SGCD: variants seen among roughly 807,000 people sequenced by gnomAD.
The protein encoded by SGCD is sarcoglycan delta.
SGCD carries 18 observed loss-of-function variants against 36.6 expected under a neutral mutation model. The observed-to-expected ratio is 0.49, with a 90% CI of 0.34 to 0.73. The LOEUF (loss-of-function observed/expected upper bound fraction) is 0.73, where lower values mean the gene tolerates loss of function less well. Among genes scored for constraint, SGCD ranks in the 30% least tolerant of loss-of-function variants. The pLI is 0.01. For synonymous variants in SGCD, 133 were observed against 130.6 expected (o/e 1.02, Z -0.12); for missense variants, 387 against 346.7 (o/e 1.12, Z -0.92).
intron 6 of SGCD, among the ~76,000 whole-genome samples, chr5:156,601,495 G>A (rs1484476184): frequency 6.6e-6 from 1 of 152,134 alleles, no homozygotes; most frequent in Non-Finnish European, 1.5e-5. Context: ...CGGTGTATGT[G>A]TCTACTTTTA....
At chr5:156,148,489 C>T (rs1762759010) in intron 3 of SGCD, among the ~76,000 whole-genome samples, 1 of 152,152 alleles carries the variant, frequency 6.6e-6, no homozygotes, top group Admixed American at 6.5e-5. Context: ...TCAAAGGTTT[C>T]TATTTGAAGC....
intron 3 of SGCD, among the ~76,000 whole-genome samples, chr5:156,254,185 T>C (rs1765653582): frequency 6.6e-6 from 1 of 152,214 alleles, no homozygotes; most frequent in Non-Finnish European, 1.5e-5. Context: ...TTAAAGGAAA[T>C]GCTTCAAAGA....
At chr5:155,742,496 A>G in the SGCD span, among the ~76,000 whole-genome samples, 3 of 152,202 alleles carry the variant, frequency 2.0e-5, no homozygotes, top group Non-Finnish European at 4.4e-5. Context: ...CTTATACTGG[A>G]TGATAGAGAC....
the SGCD span, among the ~76,000 whole-genome samples, chr5:155,793,161 C>A: frequency 1.6e-4 from 25 of 152,108 alleles, no homozygotes; most frequent in Non-Finnish European, 3.1e-4. Context: ...CAACAGAAAA[C>A]AAAATACTGC....
chr5:156,647,890 G>C (rs1581327402), intron 7 of SGCD, among the ~76,000 whole-genome samples: 2 of 152,204 alleles, frequency 1.3e-5, no homozygotes, highest in East Asian at 3.9e-4. Flanking sequence ...AGAAGATGAA[G>C]TCTAAATACA....
chr5:156,456,618 T>A (rs1330684023), intron 3 of SGCD, among the ~76,000 whole-genome samples: 1 of 152,150 alleles, frequency 6.6e-6, no homozygotes, highest in East Asian at 1.9e-4. Context: ...AATTGAGGAA[T>A]GAATTGTTAA....
At chr5:156,436,329 A>G (rs537010968) in intron 3 of SGCD, among the ~76,000 whole-genome samples, 11 of 152,344 alleles carry the variant, frequency 7.2e-5, no homozygotes, top group Admixed American at 1.3e-4. Flanking sequence ...GCCCACAGAA[A>G]GTGCTCAAGA....
chr5:155,741,687 CTTTT>C, the SGCD span, among the ~76,000 whole-genome samples: 3 of 132,284 alleles, frequency 2.3e-5, no homozygotes, highest in South Asian at 2.4e-4. Context: ...CTTTTCTTTT[CTTTT>C]TTTTTTTTTT....
At chr5:156,431,047 G>C (rs1375062266) in intron 3 of SGCD, among the ~76,000 whole-genome samples, 1 of 152,162 alleles carries the variant, frequency 6.6e-6, no homozygotes, top group Non-Finnish European at 1.5e-5. Flanking sequence ...CAAGATCCCA[G>C]TCTTGATGAG....
At chr5:155,803,704 G>A in the SGCD span, among the ~76,000 whole-genome samples, 3 of 152,176 alleles carry the variant, frequency 2.0e-5, no homozygotes, top group Non-Finnish European at 4.4e-5. Flanking sequence ...TCAAATCCAG[G>A]AGGCAGATTT....
chr5:156,348,503 A>G (rs1403490752), intron 3 of SGCD, among the ~76,000 whole-genome samples: 1 of 152,184 alleles, frequency 6.6e-6, no homozygotes, highest in Non-Finnish European at 1.5e-5. Flanking sequence ...CTCTTTTATA[A>G]TAGCTACAAA....
intron 4 of SGCD, among the ~76,000 whole-genome samples, chr5:156,516,104 G>A (rs1338203700): frequency 6.6e-6 from 1 of 152,230 alleles, no homozygotes; most frequent in Admixed American, 6.5e-5. Flanking sequence ...GCTCTGAGGA[G>A]GCCAGGCAGT....
chr5:155,909,321 A>G (rs746054010), intron 1 of SGCD, among the ~76,000 whole-genome samples: 3 of 152,178 alleles, frequency 2.0e-5, no homozygotes, highest in Non-Finnish European at 4.4e-5. Context: ...TATTTCGAAG[A>G]TGGAAAATAT....
the SGCD span, among the ~76,000 whole-genome samples, chr5:155,791,321 A>G: frequency 2.0e-5 from 3 of 152,162 alleles, no homozygotes; most frequent in Non-Finnish European, 4.4e-5. Context: ...GCCTGTCAGA[A>G]GCTAGAACCA....
At chr5:156,082,840 GT>G (rs751764707) in intron 1 of SGCD, among the ~76,000 whole-genome samples, 11 of 152,096 alleles carry the variant, frequency 7.2e-5, no homozygotes, top group Non-Finnish European at 1.5e-4. Context: ...CTTCAAAACT[GT>G]TTTCCCAAAG....
At chr5:155,891,648 C>T (rs746398374) in intron 1 of SGCD, among the ~76,000 whole-genome samples, 8 of 130,486 alleles carry the variant, frequency 6.1e-5, no homozygotes, top group Middle Eastern at 5.3e-3. Flanking sequence ...ACAGTGTTCC[C>T]GACTAAGGCT....
chr5:156,373,143 G>T (rs1236525723), intron 3 of SGCD, among the ~76,000 whole-genome samples: 1 of 152,144 alleles, frequency 6.6e-6, no homozygotes, highest in Non-Finnish European at 1.5e-5. Flanking sequence ...GGTTTCATTT[G>T]TGCTCGTGTT....
At chr5:155,735,777 T>C in the SGCD span, among the ~76,000 whole-genome samples, 2 of 152,198 alleles carry the variant, frequency 1.3e-5, no homozygotes, top group African/African-American at 4.8e-5. Flanking sequence ...GGGTGTTTGT[T>C]GGAGAGCATC....
intron 3 of SGCD, among the ~76,000 whole-genome samples, chr5:156,199,626 C>A (rs558345195): frequency 6.6e-6 from 1 of 152,174 alleles, no homozygotes; most frequent in African/African-American, 2.4e-5. Flanking sequence ...TGGCAAACTA[C>A]TTCTTCTTGC....
Sources: allele counts gnomAD v4.1 joint callset (sites outside exome capture counted in the v4.1 genomes callset), GRCh38; gene constraint gnomAD v4.1.1; transcripts MANE v1.5; gene names NCBI Gene and HGNC (gene_info 2026-07-23, HGNC 2026-07-21).